DCBLD1: variants seen among roughly 807,000 people sequenced by gnomAD.
DCBLD1 encodes discoidin, CUB and LCCL domain-containing protein 1.
A neutral mutation model predicts 71.5 loss-of-function variants in DCBLD1; 57 were observed. The ratio of observed to expected loss-of-function variants is 0.80; its 90% confidence interval spans 0.64 to 0.99. The LOEUF (loss-of-function observed/expected upper bound fraction) is 0.99. Among genes scored for constraint, DCBLD1 ranks in the 50% least tolerant of loss-of-function variants. The pLI is 0.00. For missense variants in DCBLD1, 891 were observed against 923.5 expected (o/e 0.96, Z 0.46); for synonymous variants, 380 against 363.8 (o/e 1.04, Z -0.51).
At chr6:117,564,065 C>CCAA (rs1779644339) in intron 14 of DCBLD1, among the ~76,000 whole-genome samples, 1 of 151,480 alleles carries the variant, frequency 6.6e-6, no homozygotes, top group African/African-American at 2.4e-5. Flanking sequence ...GCTGCCTTGA[C>CCAA]CTCCTAGGCT....
intron 14 of DCBLD1, chr6:117,561,585 G>GT (rs1005552265): frequency 1.2e-4 from 25 of 208,596 alleles, no homozygotes; most frequent in Middle Eastern, 3.1e-3. Flanking sequence ...AAAACAAGTT[G>GT]TTTTTTTTCT....
At chr6:117,539,602 T>A in intron 9 of DCBLD1, 2 of 353,602 alleles carry the variant, frequency 5.7e-6, no homozygotes, top group Non-Finnish European at 5.0e-6. Flanking sequence ...AAAAAATTTT[T>A]AATTACCCAA....
Position 117,543,201 on chromosome 6 carries a change from G to A in DCBLD1, c.1435G>A (p.Ala479Thr). ...GTTTGCTGGAATGGGGATCTTTGCAGCCTTTAGAAAGTATGGTGACTTTAC... is the reference window on the plus strand; with the variant it reads ...GTTTGCTGGAATGGGGATCTTTGCAACCTTTAGAAAGTATGGTGACTTTAC... ...LVFAGMGIFAAFRKKKKKGSP... is the reference protein window; with the variant it reads ...LVFAGMGIFATFRKKKKKGSP... The change falls in exon 12 of 15, where the codon GCC becomes ACC. Residue 479 changes from alanine (A) to threonine (T), a missense_variant. Physicochemically the swap from Ala to Thr is moderately conservative, Grantham distance 58. Coordinates refer to ENST00000338728, the MANE Select transcript of DCBLD1 (RefSeq NM_001366458.2). 6.2e-7 allele frequency: 1 copy of A among 1,613,932 alleles called. No individual in the cohort carries two copies. Among genetic ancestry groups the A allele is most frequent in the Non-Finnish European group, 8.5e-7 (1 of 1,179,908 alleles).
intron 1 of DCBLD1, among the ~76,000 whole-genome samples, chr6:117,500,459 T>C (rs907025223): frequency 1.3e-5 from 2 of 152,214 alleles, no homozygotes; most frequent in African/African-American, 4.8e-5. Flanking sequence ...ACGATGGGAA[T>C]GTTGACGATT....
chr6:117,538,010 CT>C (rs1194947277), intron 7 of DCBLD1, among the ~76,000 whole-genome samples: 4 of 152,090 alleles, frequency 2.6e-5, no homozygotes, highest in African/African-American at 9.7e-5. Flanking sequence ...AAAATAAAGG[CT>C]TTTGAGCTTC....
chr6:117,541,478 A>C (rs1779095162), intron 11 of DCBLD1, among the ~76,000 whole-genome samples: 1 of 152,210 alleles, frequency 6.6e-6, no homozygotes, highest in African/African-American at 2.4e-5. Flanking sequence ...TCTCTAGAAA[A>C]ATTTCAAGAA....
At chr6:117,542,340 T>A (rs555238248) in intron 11 of DCBLD1, among the ~76,000 whole-genome samples, 27 of 152,160 alleles carry the variant, frequency 1.8e-4, no homozygotes, top group African/African-American at 5.1e-4. Flanking sequence ...CTTCTGTTAC[T>A]TATACACAAA....
chr6:117,566,897 A>G, intron 14 of DCBLD1: 1 of 1,604,976 alleles, frequency 6.2e-7, no homozygotes, highest in Non-Finnish European at 8.5e-7. Context: ...TGCAACTAGC[A>G]CCAGGGTTAC....
chr6:117,510,621 T>A (rs747350518), intron 2 of DCBLD1, among the ~76,000 whole-genome samples: 8 of 152,210 alleles, frequency 5.3e-5, no homozygotes, highest in Admixed American at 3.3e-4. Flanking sequence ...GTCTTACAAT[T>A]GCAGATGTTC....
chr6:117,551,925 G>A (rs186313996), downstream of DCBLD1, among the ~76,000 whole-genome samples: 1 of 152,128 alleles, frequency 6.6e-6, no homozygotes, highest in Admixed American at 6.5e-5. Flanking sequence ...AGAAGTTTGG[G>A]GCCAACCTGG....
intron 6 of DCBLD1, among the ~76,000 whole-genome samples, chr6:117,534,552 T>A (rs17575449): frequency 2.0e-5 from 3 of 152,190 alleles, no homozygotes; most frequent in Non-Finnish European, 2.9e-5. Flanking sequence ...GCTCTCAATC[T>A]GTTTTTTGGA....
At chr6:117,508,105 A>G (rs1582985373) in intron 2 of DCBLD1, 1 of 152,314 alleles carries the variant, frequency 6.6e-6, no homozygotes, top group East Asian at 1.9e-4. Flanking sequence ...CTCAAATATA[A>G]GGTGTTGCCT....
chr6:117,557,592 C>T (rs1197386029), intron 14 of DCBLD1, among the ~76,000 whole-genome samples: 2 of 151,858 alleles, frequency 1.3e-5, no homozygotes, highest in African/African-American at 4.8e-5. Context: ...GGTGAAACCC[C>T]GTCTCTACTA....
Position 117,538,662 on chromosome 6 carries a change from G to A in DCBLD1, c.803G>A (p.Arg268Lys). The A allele has an allele frequency of 6.2e-7, 1 of 1,614,070 alleles. No individual in the cohort carries two copies. The highest frequency in any genetic ancestry group is 1.1e-5 in the South Asian group (1 of 91,064). Residue 268 changes from arginine (R) to lysine (K), a missense_variant, in exon 8 of 15, where the codon AGA becomes AAA. Physicochemically the swap from Arg to Lys is conservative, Grantham distance 26 (BLOSUM62 2). Transcript: ENST00000338728. Reference protein sequence around the residue: ...SLSFEPDGQIRASSSWQSVNE... With the variant: ...SLSFEPDGQIKASSSWQSVNE... ...AGTTTTGAACCTGACGGGCAAATCAGAGCTTCTTCCTCATGGCAGTCGGTC... is the reference window on the plus strand; with the variant it reads ...AGTTTTGAACCTGACGGGCAAATCAAAGCTTCTTCCTCATGGCAGTCGGTC...
chr6:117,524,198 TA>T (rs1473697981), intron 4 of DCBLD1, among the ~76,000 whole-genome samples: 1 of 151,518 alleles, frequency 6.6e-6, no homozygotes, highest in Non-Finnish European at 1.5e-5. Context: ...AATTGAATCC[TA>T]ATTTTTTTTT....
At chr6:117,542,677 A>G (rs1333114414) in intron 11 of DCBLD1, among the ~76,000 whole-genome samples, 2 of 151,624 alleles carry the variant, frequency 1.3e-5, no homozygotes, top group Non-Finnish European at 2.9e-5. Flanking sequence ...TTTCCAGACT[A>G]TTGTTATGGT....
intron 5 of DCBLD1, among the ~76,000 whole-genome samples, chr6:117,530,947 CA>C (rs1047701238): frequency 6.6e-6 from 1 of 151,994 alleles, no homozygotes; most frequent in African/African-American, 2.4e-5. Context: ...GCATCTGTTT[CA>C]GTATTCTCAT....
chr6:117,515,723 A>G (rs555190847), intron 2 of DCBLD1, among the ~76,000 whole-genome samples: 1 of 152,358 alleles, frequency 6.6e-6, no homozygotes, highest in South Asian at 2.1e-4. Flanking sequence ...TATTCATTAC[A>G]GAAATTTTTT....
rs774497638 is a variant in DCBLD1, at chr6:117,537,268, C to T, written c.760+43C>T. 1.5e-5 allele frequency: 24 copies of T among 1,595,892 alleles called. No individual in the cohort carries two copies. In the Admixed American group the frequency reaches 1.8e-4, roughly 12 times the overall value. ...CTTAAGAATTTGATATTTTCGGTGG[C>T]TCACGCCTATAATCCCAGCACTTTG... On this transcript the variant is annotated intron_variant, in intron 7 of 14. Coordinates refer to ENST00000338728, the MANE Select transcript of DCBLD1 (RefSeq NM_001366458.2).
Sources: gnomAD v4.1 joint callset for allele counts (sites outside exome capture counted in the v4.1 genomes callset) on GRCh38, gnomAD v4.1.1 for gene constraint, MANE v1.5 for transcripts, NCBI Gene and HGNC (gene_info 2026-07-23, HGNC 2026-07-21) for gene names.